ZNF536: variants seen among roughly 807,000 people sequenced by gnomAD.
The protein encoded by ZNF536 is zinc finger protein 536.
In ZNF536, 13 loss-of-function variants were observed where a neutral mutation model predicts 84.5. The ratio of observed to expected loss-of-function variants is 0.15; its 90% CI spans 0.10 to 0.24. The LOEUF (loss-of-function observed/expected upper bound fraction) is 0.24. ZNF536 is among the 10% of genes least tolerant of loss of function. The pLI is 1.00. For synonymous variants in ZNF536, 811 were observed against 742.5 expected (o/e 1.09, Z -1.50); for missense variants, 1,536 against 1,747.5 (o/e 0.88, Z 2.16).
chr19:30,632,683 C>T (rs1231266138), intron 1 of ZNF536, among the ~76,000 whole-genome samples: 2 of 152,038 alleles, frequency 1.3e-5, no homozygotes. Flanking sequence ...ACCAACCAAC[C>T]AACCAACCAG....
intron 2 of ZNF536, among the ~76,000 whole-genome samples, chr19:30,466,606 GA>G (rs2053410937): frequency 1.3e-5 from 2 of 151,322 alleles, no homozygotes; most frequent in African/African-American, 4.9e-5. Context: ...GAGAGAGAAA[GA>G]AAAGAGAACT....
intron 1 of ZNF536, among the ~76,000 whole-genome samples, chr19:30,271,294 CTTTTCTTTTTTTTTT>C (rs1439600830): frequency 2.9e-5 from 3 of 103,198 alleles, no homozygotes; most frequent in African/African-American, 1.1e-4. Flanking sequence ...GTGTTTTTTT[CTTTTCTTTTTTTTTT>C]TTTTTTTTTT....
chr19:30,703,917 G>C (rs2052107095), intron 1 of ZNF536, among the ~76,000 whole-genome samples: 1 of 152,216 alleles, frequency 6.6e-6, no homozygotes, highest in Admixed American at 6.5e-5. Flanking sequence ...CAGAGAGAGA[G>C]AAGATTGAAG....
Position 30,557,280 on chromosome 19 carries a change from G to C in ZNF536, c.*116G>C, listed in dbSNP as rs1019233524. The C allele has an allele frequency of 8.5e-7, 1 of 1,179,976 alleles. No homozygotes were observed. Among genetic ancestry groups the C allele is most frequent in the African/African-American group, 1.5e-5 (1 of 65,992 alleles). 73.1% of individuals were successfully genotyped at this position (1,179,976 alleles called of 1,614,324 possible). A position where few individuals can be genotyped will look rare whatever the true frequency, so the allele number is the denominator to read the frequency against. On this transcript the variant is annotated 3_prime_UTR_variant, in exon 5 of 5. Transcript: ENST00000355537. ...AAGAGAAGAATGTATACACATATGTGTGTTGAATAATTACTATTGGCATAG... is the reference window on the plus strand; with the variant it reads ...AAGAGAAGAATGTATACACATATGTCTGTTGAATAATTACTATTGGCATAG...
Position 30,471,596 on chromosome 19 carries a change from C to T in ZNF536, c.2170+25864C>T, listed in dbSNP as rs547190122. On this transcript the variant is annotated intron_variant, in intron 2 of 4. Transcript: ENST00000355537. ...GGCCTGTGCCAGCTGTCCTTGATCC[C>T]TGGACAGTTGGAAGGGGCAGATGGC... is the stretch of plus-strand genomic sequence containing the variant. Among the ~76,000 whole-genome samples, 255 of 152,332 alleles carry T rather than the reference C, an allele frequency of 1.7e-3. 1 individual carries two copies. Among genetic ancestry groups the T allele is most frequent in the Non-Finnish European group, 3.0e-3 (201 of 68,028 alleles).
At chr19:30,301,350 C>T (rs2046177164) in intron 2 of ZNF536, among the ~76,000 whole-genome samples, 1 of 152,198 alleles carries the variant, frequency 6.6e-6, no homozygotes, top group African/African-American at 2.4e-5. Context: ...ATTCTGTCTG[C>T]AAAATGGGGT....
chr19:30,284,573 G>A (rs2145690367), intron 2 of ZNF536, among the ~76,000 whole-genome samples: 1 of 152,340 alleles, frequency 6.6e-6, no homozygotes, highest in Non-Finnish European at 1.5e-5. Context: ...CTGTCCCAAA[G>A]CTGCTCCGTG....
At chr19:30,267,074 T>G (rs1268342251) in intron 1 of ZNF536, among the ~76,000 whole-genome samples, 1 of 152,222 alleles carries the variant, frequency 6.6e-6, no homozygotes, top group African/African-American at 2.4e-5. Context: ...ATCACTAATT[T>G]TAACAATGAT....
At chr19:30,534,550 T>C (rs1357680407) in intron 2 of ZNF536, among the ~76,000 whole-genome samples, 2 of 152,194 alleles carry the variant, frequency 1.3e-5, no homozygotes, top group Non-Finnish European at 2.9e-5. Context: ...AAATATTTAA[T>C]AGGAACTAAG....
chr19:30,615,755 G>T (rs535141903), intron 1 of ZNF536, among the ~76,000 whole-genome samples: 38 of 152,068 alleles, frequency 2.5e-4, no homozygotes, highest in Non-Finnish European at 4.7e-4. Context: ...GGAGTCTTAC[G>T]TCTAAGAGCA....
At chr19:30,416,901 C>A (rs548114617) in intron 1 of ZNF536, among the ~76,000 whole-genome samples, 1 of 152,200 alleles carries the variant, frequency 6.6e-6, no homozygotes, top group South Asian at 2.1e-4. Context: ...TCATTATTTT[C>A]AAGTTCTTTC....
chr19:30,395,990 C>T (rs568787331), intron 1 of ZNF536, among the ~76,000 whole-genome samples: 3 of 152,230 alleles, frequency 2.0e-5, no homozygotes, highest in East Asian at 3.9e-4. Context: ...CAATATCACC[C>T]GAAGTCCATG....
chr19:30,326,209 G>GT (rs928497093), intron 2 of ZNF536, among the ~76,000 whole-genome samples: 1 of 152,192 alleles, frequency 6.6e-6, no homozygotes, highest in African/African-American at 2.4e-5. Flanking sequence ...AAAGAGGGCC[G>GT]TCCCCATTGC....
chr19:30,625,103 C>T (rs1371984444), intron 1 of ZNF536, among the ~76,000 whole-genome samples: 1 of 152,144 alleles, frequency 6.6e-6, no homozygotes, highest in African/African-American at 2.4e-5. Flanking sequence ...ACTAATATAC[C>T]AGGAATGCAG....
At chr19:30,613,395 T>C (rs1462532169) in intron 1 of ZNF536, among the ~76,000 whole-genome samples, 1 of 152,240 alleles carries the variant, frequency 6.6e-6, no homozygotes, top group African/African-American at 2.4e-5. Context: ...TCTATTTCCC[T>C]CAATCCTACA....
intron 1 of ZNF536, among the ~76,000 whole-genome samples, chr19:30,612,684 A>T (rs1297229300): frequency 6.6e-6 from 1 of 152,122 alleles, no homozygotes; most frequent in Non-Finnish European, 1.5e-5. Flanking sequence ...AAAATATCAG[A>T]TTTTCTAAAA....
intron 2 of ZNF536, among the ~76,000 whole-genome samples, chr19:30,532,207 G>T (rs1427244238): frequency 6.6e-6 from 1 of 151,816 alleles, no homozygotes; most frequent in Non-Finnish European, 1.5e-5. Context: ...TCAGCTCACC[G>T]CAACCTCCAC....
Position 30,363,087 on chromosome 19 carries a change from G to T in ZNF536, c.-3+10603G>T, listed in dbSNP as rs1467912166. On this transcript the variant is annotated intron_variant, in intron 3 of 5. Coordinates refer to the ZNF536 transcript ENST00000585628. ...AAAAAAAAAGTGTGAGAGAAATTGG[G>T]GTTTGAAATTAAGGAAAAACTTTGA... Among the ~76,000 whole-genome samples the T allele has an allele frequency of 2.6e-5, 4 of 152,122 alleles. No homozygotes were observed. The East Asian group carries it at 5.8e-4, about 22-fold the overall frequency.
intron 1 of ZNF536, among the ~76,000 whole-genome samples, chr19:30,628,425 A>T (rs1218645092): frequency 8.3e-6 from 1 of 120,118 alleles, no homozygotes; most frequent in Non-Finnish European, 1.6e-5. Context: ...CTCATCCAGT[A>T]GTCACTTTTT....
Sources: gnomAD v4.1 joint callset for allele counts (sites outside exome capture counted in the v4.1 genomes callset) on GRCh38, gnomAD v4.1.1 for gene constraint, MANE v1.5 for transcripts, NCBI Gene and HGNC (gene_info 2026-07-23, HGNC 2026-07-21) for gene names.